SLC4A4: variants seen among roughly 807,000 people sequenced by gnomAD.
SLC4A4 encodes the protein solute carrier family 4 member 4.
SLC4A4 carries 27 observed loss-of-function variants against 111.5 expected under a neutral mutation model. The observed-to-expected ratio is 0.24, with a 90% CI of 0.18 to 0.33. SLC4A4 has a LOEUF of 0.33. SLC4A4 is among the 10% of genes least tolerant of loss of function. SLC4A4 has a pLI of 1.00. For synonymous variants in SLC4A4, 443 were observed against 463.4 expected (o/e 0.96, Z 0.57); for missense variants, 909 against 1,315.5 (o/e 0.69, Z 4.78).
chr4:71,535,159 A>G (rs1178221435), intron 18 of SLC4A4, among the ~76,000 whole-genome samples: 1 of 152,188 alleles, frequency 6.6e-6, no homozygotes, highest in Admixed American at 6.6e-5. Context: ...TTTGTATTAT[A>G]TATTAACTCG....
chr4:71,123,659 AT>A (rs1300370975), intron 2 of SLC4A4, among the ~76,000 whole-genome samples: 2 of 152,338 alleles, frequency 1.3e-5, no homozygotes, highest in East Asian at 3.9e-4. Context: ...TAATACAGAC[AT>A]TTTTGGAATA....
intron 16 of SLC4A4, among the ~76,000 whole-genome samples, chr4:71,507,211 A>G (rs1731496427): frequency 6.6e-6 from 1 of 152,168 alleles, no homozygotes; most frequent in African/African-American, 2.4e-5. Flanking sequence ...ACCAGCTAAT[A>G]TCATGATGAC....
chr4:71,109,487 T>C (rs189772890), intron 2 of SLC4A4, among the ~76,000 whole-genome samples: 1 of 152,204 alleles, frequency 6.6e-6, no homozygotes, highest in African/African-American at 2.4e-5. Flanking sequence ...CAATCAACGA[T>C]TGGAGCTCAG....
chr4:71,245,963 C>T (rs1474434076), intron 2 of SLC4A4, among the ~76,000 whole-genome samples: 2 of 152,094 alleles, frequency 1.3e-5, no homozygotes, highest in Non-Finnish European at 1.5e-5. Context: ...GCCTTGAAGT[C>T]TGGTAAGATG....
At chr4:71,336,262 T>G (rs1728427855) in intron 3 of SLC4A4, among the ~76,000 whole-genome samples, 1 of 152,204 alleles carries the variant, frequency 6.6e-6, no homozygotes, top group Non-Finnish European at 1.5e-5. Flanking sequence ...TAGAAGTCCT[T>G]GCTTTGTACC....
Position 71,560,248 on chromosome 4 carries a change from T to G in SLC4A4, c.3093T>G (p.Asn1031Lys). The change falls in exon 23 of 26, where the codon AAT becomes AAG. Residue 1031 changes from asparagine (N) to lysine (K), a missense_variant. By Grantham distance (94) the Asn-to-Lys change is moderately conservative. Around this residue, in one of 7 missense-constraint regions of SLC4A4, gnomAD observed 85 missense variants for 79.8 expected, o/e 1.07. Transcript: ENST00000264485. ...KKKKGSLDSD[N>K]DDSDCPYSEK... ...AGAAGGGAAGTCTGGACAGTGACAA[T>G]GATGATGTAAGGAACTTTCCAAATT... 1.2e-6 allele frequency: 2 copies of G among 1,606,374 alleles called. No individual in the cohort carries two copies. Among genetic ancestry groups the G allele is most frequent in the Non-Finnish European group, 1.7e-6 (2 of 1,175,526 alleles).
At chr4:71,543,650 T>A (rs1035877767) in intron 18 of SLC4A4, among the ~76,000 whole-genome samples, 4 of 151,874 alleles carry the variant, frequency 2.6e-5, no homozygotes, top group South Asian at 2.1e-4. Context: ...CATGGGTGAC[T>A]TTTTTTTACA....
chr4:71,385,969 G>A (rs916333062), intron 6 of SLC4A4, among the ~76,000 whole-genome samples: 1 of 150,716 alleles, frequency 6.6e-6, no homozygotes, highest in Admixed American at 6.6e-5. Context: ...CACACTGTCA[G>A]TAACTTTGTA....
intron 2 of SLC4A4, among the ~76,000 whole-genome samples, chr4:71,138,990 C>G (rs1039525780): frequency 1.5e-5 from 2 of 135,316 alleles, no homozygotes; most frequent in Non-Finnish European, 3.1e-5. Flanking sequence ...GAGCAGAGAT[C>G]GTGCCACTGC....
chr4:71,565,343 G>A (rs1239238084), intron 24 of SLC4A4, among the ~76,000 whole-genome samples: 1 of 151,776 alleles, frequency 6.6e-6, no homozygotes, highest in East Asian at 2.0e-4. Context: ...GGAGGCAGAG[G>A]GACCGATGGT....
In SLC4A4 at chr4:71,259,855, A is replaced by G. The variant is rs78891189; in HGVS notation, c.253+4456A>G. 1.5e-3 allele frequency among the ~76,000 whole-genome samples: 234 copies of G among 152,282 alleles called. 1 individual carries two copies. The highest frequency in any genetic ancestry group is 5.4e-3 in the African/African-American group (224 of 41,564). ...TGTAGAGATCCTGAAGATGTGTAAG[A>G]TGGTAGGAAACAAAGCTACAAACAG... is the stretch of plus-strand genomic sequence containing the variant. On this transcript the variant is annotated intron_variant, in intron 3 of 25. Coordinates refer to ENST00000264485, the MANE Select transcript of SLC4A4 (RefSeq NM_001098484.3).
At chr4:71,481,136 A>G (rs55994385) in intron 14 of SLC4A4, among the ~76,000 whole-genome samples, 1,798 of 151,788 alleles carry the variant, frequency 0.012, 39 homozygotes, top group African/African-American at 0.039. Context: ...GGTGTGAAGT[A>G]ACTCCTCAAG....
At chr4:71,321,338 G>A (rs1727103487) in intron 3 of SLC4A4, among the ~76,000 whole-genome samples, 1 of 151,890 alleles carries the variant, frequency 6.6e-6, no homozygotes, top group South Asian at 2.1e-4. Context: ...TTGGGAAGGT[G>A]CTTAATGAGG....
intron 7 of SLC4A4, among the ~76,000 whole-genome samples, chr4:71,424,998 A>AT (rs1722985669): frequency 7.0e-6 from 1 of 143,814 alleles, no homozygotes; most frequent in Non-Finnish European, 1.5e-5. Flanking sequence ...AATAATAATA[A>AT]AAAAAAAGAA....
intron 11 of SLC4A4, among the ~76,000 whole-genome samples, chr4:71,452,422 T>C (rs1725853093): frequency 6.6e-6 from 1 of 152,194 alleles, no homozygotes; most frequent in Non-Finnish European, 1.5e-5. Flanking sequence ...GCTAAACTAA[T>C]TGAATGTCTG....
chr4:71,310,173 A>G lies in SLC4A4; in HGVS notation c.254-29197A>G, dbSNP rs1181938997. 4.6e-5 allele frequency among the ~76,000 whole-genome samples: 7 copies of G among 152,080 alleles called. 1 individual carries two copies. The South Asian group carries it at 1.0e-3, about 23-fold the overall frequency. ...GGAATGAACAAAACCTCCAAGAAAT[A>G]TGGGACTCTGTGAAAAGACCAAACC... On this transcript the variant is annotated intron_variant, in intron 3 of 25. Coordinates refer to ENST00000264485, the MANE Select transcript of SLC4A4 (RefSeq NM_001098484.3).
intron 2 of SLC4A4, among the ~76,000 whole-genome samples, chr4:71,148,134 T>A (rs1385903865): frequency 6.6e-6 from 1 of 152,198 alleles, no homozygotes; most frequent in Non-Finnish European, 1.5e-5. Context: ...TTATGTTCCA[T>A]CTTTCTTCTC....
Position 71,567,075 on chromosome 4 carries a change from T to A in SLC4A4, c.*28T>A, listed in dbSNP as rs199752351. 6.2e-7 allele frequency: 1 copy of A among 1,608,546 alleles called. No individual in the cohort carries two copies. Among genetic ancestry groups the A allele is most frequent in the African/African-American group, 1.3e-5 (1 of 74,616 alleles). On this transcript the variant is annotated 3_prime_UTR_variant, in exon 25 of 26. Coordinates refer to ENST00000264485, the MANE Select transcript of SLC4A4 (RefSeq NM_001098484.3). ...AAATTCCTTTCCTTCAGTCACTCGG[T>A]ATGCCAAGGTAAAGGAGAGCCCAGT...
chr4:71,118,420 G>T (rs1016001406), intron 2 of SLC4A4, among the ~76,000 whole-genome samples: 5 of 152,114 alleles, frequency 3.3e-5, no homozygotes, highest in African/African-American at 1.2e-4. Context: ...GGCATGAATT[G>T]ATTGACCACA....
Sources: gnomAD v4.1 joint callset for allele counts (sites outside exome capture counted in the v4.1 genomes callset) on GRCh38, gnomAD v4.1.1 for gene constraint, gnomAD v4.1.1 regional missense constraint, MANE v1.5 for transcripts, NCBI Gene and HGNC (gene_info 2026-07-23, HGNC 2026-07-21) for gene names.